Variants in RABGAP1L observed in about 807,000 individuals in gnomAD.
The protein encoded by RABGAP1L is RAB GTPase activating protein 1 like.
In RABGAP1L, 63 loss-of-function variants were observed where a neutral mutation model predicts 137.7. That is an observed-to-expected ratio of 0.46 (90% CI 0.37 to 0.56). The LOEUF (loss-of-function observed/expected upper bound fraction) is 0.56. Among genes scored for constraint, RABGAP1L ranks in the 20% least tolerant of loss-of-function variants. The pLI, the probability that RABGAP1L is intolerant of heterozygous loss-of-function variation, is 0.00. For synonymous variants in RABGAP1L, 431 were observed against 433.7 expected, an observed-to-expected ratio of 0.99 and a Z score of 0.08; for missense variants, 1,095 against 1,244.0, an observed-to-expected ratio of 0.88 and a Z score of 1.80.
intron 13 of RABGAP1L, among the ~76,000 whole-genome samples, chr1:174,559,533 T>C (rs555828222): frequency 6.6e-6 from 1 of 152,338 alleles, no homozygotes; most frequent in Non-Finnish European, 1.5e-5. Context: ...AATGGAAATA[T>C]TACCTTTTTA....
intron 12 of RABGAP1L, among the ~76,000 whole-genome samples, chr1:174,374,991 CACTT>C (rs1357307488): frequency 6.6e-6 from 1 of 152,118 alleles, no homozygotes; most frequent in Non-Finnish European, 1.5e-5. Context: ...ACAAACATCT[CACTT>C]TCTTGATTCT....
At chr1:174,649,070 T>C (rs181952097) in intron 14 of RABGAP1L, among the ~76,000 whole-genome samples, 50 of 152,156 alleles carry the variant, frequency 3.3e-4, no homozygotes, top group African/African-American at 1.1e-3. Flanking sequence ...TTCCCCCATC[T>C]CTTTATTTTG....
intron 14 of RABGAP1L, among the ~76,000 whole-genome samples, chr1:174,661,066 G>C (rs553723691): frequency 1.4e-4 from 21 of 152,308 alleles, no homozygotes; most frequent in African/African-American, 4.8e-4. Flanking sequence ...AAAGTTTAGG[G>C]AAGTTAAGTG....
intron 13 of RABGAP1L, among the ~76,000 whole-genome samples, chr1:174,422,005 G>T (rs1010268498): frequency 3.3e-5 from 5 of 152,102 alleles, no homozygotes; most frequent in African/African-American, 9.7e-5. Context: ...CTGACCTCAG[G>T]TGATCTGCCT....
chr1:174,466,705 T>C (rs915805334), intron 13 of RABGAP1L, among the ~76,000 whole-genome samples: 1 of 152,182 alleles, frequency 6.6e-6, no homozygotes, highest in African/African-American at 2.4e-5. Context: ...GAGAATTGCT[T>C]TAATCTGGAA....
At chr1:174,803,258 T>C (rs976226857) in intron 18 of RABGAP1L, among the ~76,000 whole-genome samples, 12 of 152,178 alleles carry the variant, frequency 7.9e-5, no homozygotes, top group African/African-American at 2.9e-4. Context: ...AGGATGCACA[T>C]TTGGAATTTT....
chr1:174,598,155 C>T (rs972756179), intron 13 of RABGAP1L, among the ~76,000 whole-genome samples: 3 of 151,868 alleles, frequency 2.0e-5, no homozygotes, highest in Non-Finnish European at 4.4e-5. Flanking sequence ...ATGGGAAAAC[C>T]CCATCTCTAC....
intron 13 of RABGAP1L, among the ~76,000 whole-genome samples, chr1:174,605,775 GTTC>G (rs760053326): frequency 2.0e-5 from 3 of 152,146 alleles, no homozygotes; most frequent in Non-Finnish European, 4.4e-5. Flanking sequence ...AGATAATTTT[GTTC>G]TTGCAAATTG....
intron 13 of RABGAP1L, among the ~76,000 whole-genome samples, chr1:174,489,186 A>G (rs1659969503): frequency 6.6e-6 from 1 of 152,150 alleles, no homozygotes; most frequent in African/African-American, 2.4e-5. Flanking sequence ...ATGGGATCTA[A>G]TTAAACTAAA....
At chr1:174,799,811 C>A in intron 18 of RABGAP1L, 1 of 996,932 alleles carries the variant, frequency 1.0e-6, no homozygotes, top group Non-Finnish European at 1.2e-6. Context: ...CTGCTTGTCA[C>A]GAATCGAGGA....
At chr1:174,298,027 G>A (rs2148743230) in intron 10 of RABGAP1L, among the ~76,000 whole-genome samples, 1 of 152,270 alleles carries the variant, frequency 6.6e-6, no homozygotes, top group East Asian at 1.9e-4. Context: ...ACCTATCAGT[G>A]AAGAGAGGAC....
intron 13 of RABGAP1L, among the ~76,000 whole-genome samples, chr1:174,464,403 C>CA (rs1657063897): frequency 6.6e-6 from 1 of 152,168 alleles, no homozygotes; most frequent in African/African-American, 2.4e-5. Context: ...TAGAACTCTT[C>CA]AAATCTGGCC....
chr1:174,539,039 G>A (rs1025326654), intron 13 of RABGAP1L, among the ~76,000 whole-genome samples: 2 of 152,056 alleles, frequency 1.3e-5, no homozygotes, highest in Non-Finnish European at 2.9e-5. Context: ...AAAGACTAAA[G>A]GGTGATTTGA....
chr1:174,180,755 C>CGT (rs1181957804), intron 1 of RABGAP1L, among the ~76,000 whole-genome samples: 2 of 152,216 alleles, frequency 1.3e-5, no homozygotes, highest in Non-Finnish European at 2.9e-5. Context: ...GCATGAGCCA[C>CGT]CGCATCTGGC....
chr1:174,257,132 G>A (rs548096203), intron 7 of RABGAP1L, among the ~76,000 whole-genome samples: 3 of 152,104 alleles, frequency 2.0e-5, no homozygotes, highest in Non-Finnish European at 2.9e-5. Flanking sequence ...GAGCCCCTTC[G>A]AACCCTATCT....
rs367656555 is a variant in RABGAP1L at position 174,790,953 on chromosome 1, G to A, written c.2212-20879G>A. 2.0e-5 allele frequency among the ~76,000 whole-genome samples: 3 copies of A among 152,052 alleles called. No individual in the cohort carries two copies. The East Asian group carries it at 5.8e-4, about 29-fold the overall frequency. ...CACCTGTAATCCCAGCACTTTGGGAGGCTGAGGTGGGTGGATCACTTGAGG... is the reference window on the plus strand; with the variant it reads ...CACCTGTAATCCCAGCACTTTGGGAAGCTGAGGTGGGTGGATCACTTGAGG... On this transcript the variant is annotated intron_variant, in intron 18 of 25. Transcript: ENST00000681986.
At chr1:174,613,376 T>A (rs905916050) in intron 13 of RABGAP1L, among the ~76,000 whole-genome samples, 18 of 152,230 alleles carry the variant, frequency 1.2e-4, no homozygotes, top group South Asian at 2.1e-4. Flanking sequence ...TTTGAGTGAG[T>A]TTCTTAATCC....
intron 13 of RABGAP1L, among the ~76,000 whole-genome samples, chr1:174,445,006 G>C (rs1335110813): frequency 6.6e-6 from 1 of 151,790 alleles, no homozygotes; most frequent in Non-Finnish European, 1.5e-5. Flanking sequence ...TCTACTATCT[G>C]CTTTCTTCAT....
intron 19 of RABGAP1L, among the ~76,000 whole-genome samples, chr1:174,896,264 T>A (rs1256205266): frequency 6.6e-6 from 1 of 152,244 alleles, no homozygotes; most frequent in African/African-American, 2.4e-5. Flanking sequence ...TCTGTTCATA[T>A]CCTTCACCCA....
Sources: allele counts gnomAD v4.1 joint callset (sites outside exome capture counted in the v4.1 genomes callset), GRCh38; gene constraint gnomAD v4.1.1; transcripts MANE v1.5; gene names NCBI Gene and HGNC (gene_info 2026-07-23, HGNC 2026-07-21).